RBFOX3: variants seen among roughly 807,000 people sequenced by gnomAD.
The protein encoded by RBFOX3 is RNA binding protein fox-1 homolog 3.
RBFOX3 carries 17 observed loss-of-function variants against 48.7 expected under a neutral mutation model. The ratio of observed to expected loss-of-function variants is 0.35; its 90% CI spans 0.24 to 0.52. RBFOX3 has a LOEUF of 0.52. RBFOX3 is among the 20% of genes least tolerant of loss of function. RBFOX3 has a pLI of 0.94. For synonymous variants in RBFOX3, 212 were observed against 209.5 expected (o/e 1.01, Z -0.10); for missense variants, 382 against 497.5 (o/e 0.77, Z 2.21).
intron 4 of RBFOX3, among the ~76,000 whole-genome samples, chr17:79,185,757 G>A (rs1314648524): frequency 6.6e-6 from 1 of 152,176 alleles, no homozygotes; most frequent in Non-Finnish European, 1.5e-5. Context: ...AGGGATTTGG[G>A]AGTGCTTCCT....
At chr17:79,174,938 A>G (rs1355892387) in intron 4 of RBFOX3, among the ~76,000 whole-genome samples, 1 of 152,220 alleles carries the variant, frequency 6.6e-6, no homozygotes, top group Non-Finnish European at 1.5e-5. Context: ...CTCTGCCTGG[A>G]ACGGTTCCTC....
At chr17:79,375,323 T>C (rs1239695588) in intron 2 of RBFOX3, among the ~76,000 whole-genome samples, 1 of 150,130 alleles carries the variant, frequency 6.7e-6, no homozygotes, top group Non-Finnish European at 1.5e-5. Context: ...GGGCCCTCCC[T>C]CTAAGAAGCT....
At chr17:79,360,932 A>C (rs1355868440) in intron 2 of RBFOX3, among the ~76,000 whole-genome samples, 3 of 151,794 alleles carry the variant, frequency 2.0e-5, no homozygotes, top group Non-Finnish European at 1.5e-5. Flanking sequence ...ATTGTAAACC[A>C]ATTTGTGTTT....
intron 1 of RBFOX3, among the ~76,000 whole-genome samples, chr17:79,487,529 A>G (rs1383576505): frequency 1.3e-5 from 2 of 152,168 alleles, no homozygotes; most frequent in African/African-American, 4.8e-5. Flanking sequence ...TTTGCTCACT[A>G]TCGTGCCCCA....
At chr17:79,118,994 T>G (rs113899648) in intron 4 of RBFOX3, among the ~76,000 whole-genome samples, 4,410 of 133,990 alleles carry the variant, frequency 0.033, 112 homozygotes, top group African/African-American at 0.062. Context: ...AAAAAAAAAA[T>G]AAAGAAAATA....
At chr17:79,211,318 C>T (rs1009864982) in intron 4 of RBFOX3, among the ~76,000 whole-genome samples, 1 of 152,232 alleles carries the variant, frequency 6.6e-6, no homozygotes, top group Non-Finnish European at 1.5e-5. Flanking sequence ...ACCCTGCCAA[C>T]GCCAGCCTCC....
the RBFOX3 span, among the ~76,000 whole-genome samples, chr17:79,636,611 TA>T: frequency 6.6e-6 from 1 of 152,150 alleles, no homozygotes; most frequent in South Asian, 2.1e-4. Flanking sequence ...TGGACTATTA[TA>T]ACTATAAGAT....
intron 1 of RBFOX3, among the ~76,000 whole-genome samples, chr17:79,549,017 G>C (rs574432567): frequency 6.6e-6 from 1 of 152,328 alleles, no homozygotes; most frequent in East Asian, 1.9e-4. Context: ...GTGGAATTGT[G>C]GTCACTAGTT....
rs1317257111 is a variant in RBFOX3 at position 79,477,531 on chromosome 17, G to C, written c.-175+4923C>G. 6.6e-6 allele frequency among the ~76,000 whole-genome samples: 1 copy of C among 151,622 alleles called. No individual in the cohort carries two copies. Among genetic ancestry groups the C allele is most frequent in the African/African-American group, 2.4e-5 (1 of 41,258 alleles). ...AGATCGCCCCATCGCACTCCAGCCT[G>C]GGCGACAGAGCGAAACTCCGTCACC... On this transcript the variant is annotated intron_variant, in intron 2 of 14. Transcript: ENST00000693108. The surrounding 1 kb of genome is among the most constrained non-coding windows in gnomAD (Gnocchi z 4.8).
chr17:79,389,474 G>A (rs2061042267), intron 2 of RBFOX3, among the ~76,000 whole-genome samples: 1 of 152,236 alleles, frequency 6.6e-6, no homozygotes, highest in Admixed American at 6.5e-5. Context: ...CAGCCCTTGA[G>A]GGGGTATTTA....
chr17:79,488,573 G>T (rs1598908665), intron 1 of RBFOX3, among the ~76,000 whole-genome samples: 2 of 152,310 alleles, frequency 1.3e-5, no homozygotes, highest in African/African-American at 4.8e-5. Flanking sequence ...CGCAGGCCTG[G>T]GTTCTCCTCC....
chr17:79,363,734 G>A lies in RBFOX3; in HGVS notation c.-174-55910C>T, dbSNP rs1028595370. On this transcript the variant is annotated intron_variant, in intron 2 of 14. Transcript: ENST00000693108. This position sits in a 1 kb window ranked among gnomAD's most constrained non-coding sequence, Gnocchi z 4.7. ...CTCCAGAGCCCCCAACACCTCCAGA[G>A]CCCTCCAGCCTCCATGCTCAGCCCG... is the stretch of plus-strand genomic sequence containing the variant. Among the ~76,000 whole-genome samples, 1 of 151,932 alleles carries A rather than the reference G, an allele frequency of 6.6e-6. No homozygotes were observed. Among genetic ancestry groups the A allele is most frequent in the South Asian group, 2.1e-4 (1 of 4,806 alleles).
chr17:79,479,907 G>A lies in RBFOX3; in HGVS notation c.-175+2547C>T, dbSNP rs894533628. The stretch of plus-strand genomic sequence containing the variant: ...TGCACGCATCTTCTTGGAACTAGGC[G>A]TCTGAGGTTCCAGAGACAGAGCATG... On this transcript the variant is annotated intron_variant, in intron 2 of 14. Coordinates refer to ENST00000693108, the MANE Select transcript of RBFOX3 (RefSeq NM_001350451.2). The surrounding 1 kb of genome is among the most constrained non-coding windows in gnomAD (Gnocchi z 5.1). 3.3e-5 allele frequency among the ~76,000 whole-genome samples: 5 copies of A among 152,186 alleles called. No homozygotes were observed. The highest frequency in any genetic ancestry group is 4.8e-5 in the African/African-American group (2 of 41,446).
chr17:79,223,812 A>G (rs2060008856), intron 4 of RBFOX3, among the ~76,000 whole-genome samples: 1 of 152,230 alleles, frequency 6.6e-6, no homozygotes, highest in Non-Finnish European at 1.5e-5. Context: ...CCCCCCCTAC[A>G]GCACAGCACT....
At chr17:79,182,712 G>C (rs1292201592) in intron 4 of RBFOX3, among the ~76,000 whole-genome samples, 3 of 151,186 alleles carry the variant, frequency 2.0e-5, no homozygotes, top group African/African-American at 7.3e-5. Context: ...TCTGGCCCCA[G>C]CCCCCTCCCC....
At chr17:79,470,314 G>T (rs1009896886) in intron 2 of RBFOX3, among the ~76,000 whole-genome samples, 1 of 152,190 alleles carries the variant, frequency 6.6e-6, no homozygotes, top group Non-Finnish European at 1.5e-5. Flanking sequence ...TGTCCACTCT[G>T]CTGGACAGAG....
At chr17:79,529,586 C>T (rs1555786798) in intron 1 of RBFOX3, among the ~76,000 whole-genome samples, 3 of 152,150 alleles carry the variant, frequency 2.0e-5, no homozygotes, top group African/African-American at 7.2e-5. Context: ...AGGGGCCCTG[C>T]CGAGGCCCCA....
rs963667729 is a variant in RBFOX3, at chr17:79,585,853, G to A, written c.-320+24973C>T. On this transcript the variant is annotated intron_variant, in intron 1 of 14. Transcript: ENST00000693108. ...AGGTTAGGATGGGCTCCGTGGGGCC[G>A]GGCAGTGAGCTGAGACTGGACAGGA... Among the ~76,000 whole-genome samples the A allele has an allele frequency of 4.6e-3, 707 of 152,230 alleles. 4 individuals are homozygous for A. Among genetic ancestry groups the A allele is most frequent in the African/African-American group, 0.016 (651 of 41,552 alleles).
At chr17:79,140,761 G>C (rs951728010) in intron 4 of RBFOX3, among the ~76,000 whole-genome samples, 2 of 152,264 alleles carry the variant, frequency 1.3e-5, no homozygotes, top group African/African-American at 2.4e-5. Context: ...CCGCAGTGGA[G>C]AGACAGGTTT....
Sources: allele counts gnomAD v4.1 joint callset (sites outside exome capture counted in the v4.1 genomes callset), GRCh38; gene constraint gnomAD v4.1.1; non-coding constraint Gnocchi (gnomAD v3.1); transcripts MANE v1.5; gene names NCBI Gene and HGNC (gene_info 2026-07-23, HGNC 2026-07-21).